GLIS3: variants seen among roughly 807,000 people sequenced by gnomAD.
GLIS3 encodes GLIS family zinc finger 3, also known as zinc finger protein GLIS3.
In GLIS3, 53 loss-of-function variants were observed where a neutral mutation model predicts 78.6. The observed-to-expected ratio is 0.67, with a 90% CI of 0.54 to 0.85. The LOEUF (loss-of-function observed/expected upper bound fraction) is 0.85, where lower values mean the gene tolerates loss of function less well. Among genes scored for constraint, GLIS3 ranks in the 40% least tolerant of loss-of-function variants. The probability of loss-of-function intolerance (pLI) is 0.00; values close to 1 mark genes in which losing one functional copy is unlikely to be tolerated. For missense variants in GLIS3, 1,703 were observed against 1,231.1 expected, an observed-to-expected ratio of 1.38 and a Z score of -5.74; for synonymous variants, 684 against 509.9, an observed-to-expected ratio of 1.34 and a Z score of -4.60.
intron 2 of GLIS3, among the ~76,000 whole-genome samples, chr9:4,203,037 C>A (rs1167597702): frequency 6.6e-6 from 1 of 152,180 alleles, no homozygotes; most frequent in Admixed American, 6.5e-5. Context: ...AGACAACCTG[C>A]AGAATAGGGG....
chr9:4,427,276 A>G, the GLIS3 span, among the ~76,000 whole-genome samples: 1 of 152,294 alleles, frequency 6.6e-6, no homozygotes, highest in East Asian at 1.9e-4. Context: ...CGTGAAGCAT[A>G]TGCCAAGAAC....
intron 2 of GLIS3, among the ~76,000 whole-genome samples, chr9:4,254,859 A>G (rs927403819): frequency 6.6e-6 from 1 of 151,902 alleles, no homozygotes; most frequent in Non-Finnish European, 1.5e-5. Context: ...AAAAAAAGAA[A>G]AAAAGATAAA....
intron 4 of GLIS3, among the ~76,000 whole-genome samples, chr9:3,962,297 T>C (rs1191206814): frequency 3.3e-5 from 5 of 151,938 alleles, no homozygotes; most frequent in Non-Finnish European, 7.4e-5. Context: ...GATGCAACCC[T>C]AAATAGAACT....
At chr9:4,246,497 T>A (rs1192035647) in intron 2 of GLIS3, among the ~76,000 whole-genome samples, 1 of 152,200 alleles carries the variant, frequency 6.6e-6, no homozygotes, top group Non-Finnish European at 1.5e-5. Flanking sequence ...GCATTTTCCC[T>A]AAGTGACATC....
intron 2 of GLIS3, among the ~76,000 whole-genome samples, chr9:4,312,008 G>C (rs1817368281): frequency 6.6e-6 from 1 of 152,166 alleles, no homozygotes; most frequent in Non-Finnish European, 1.5e-5. Flanking sequence ...AGGAGGAAGA[G>C]GAGCAGAGAA....
chr9:3,924,905 G>C (rs1825121828), intron 6 of GLIS3, among the ~76,000 whole-genome samples: 2 of 152,170 alleles, frequency 1.3e-5, no homozygotes, highest in Non-Finnish European at 2.9e-5. Context: ...GAAGGCTTCT[G>C]TCAGTCAGTC....
intron 8 of GLIS3, among the ~76,000 whole-genome samples, chr9:3,872,965 G>A (rs959297511): frequency 6.6e-6 from 1 of 151,906 alleles, no homozygotes; most frequent in African/African-American, 2.4e-5. Context: ...ATACAAAGAA[G>A]CAACCAAACA....
the GLIS3 span, among the ~76,000 whole-genome samples, chr9:4,420,503 G>A: frequency 2.0e-5 from 3 of 152,164 alleles, no homozygotes; most frequent in African/African-American, 4.8e-5. Flanking sequence ...TTAGTATCAC[G>A]TTAAGCAAGC....
At chr9:3,846,773 G>T (rs372032333) in intron 9 of GLIS3, among the ~76,000 whole-genome samples, 3 of 152,194 alleles carry the variant, frequency 2.0e-5, no homozygotes, top group African/African-American at 4.8e-5. Context: ...TTATTATGCA[G>T]ATACTGACAA....
intron 2 of GLIS3, among the ~76,000 whole-genome samples, chr9:4,182,723 G>C (rs73643715): frequency 2.0e-5 from 3 of 152,122 alleles, no homozygotes; most frequent in Non-Finnish European, 2.9e-5. Context: ...GATCATTGGC[G>C]ACTATCTTGG....
the GLIS3 span, among the ~76,000 whole-genome samples, chr9:4,396,892 G>GT: frequency 2.0e-5 from 3 of 152,052 alleles, no homozygotes; most frequent in East Asian, 5.8e-4. Flanking sequence ...TTTCATGAGA[G>GT]TTTTGCTCCT....
At chr9:4,233,368 T>A (rs1311168853) in intron 2 of GLIS3, among the ~76,000 whole-genome samples, 1 of 152,250 alleles carries the variant, frequency 6.6e-6, no homozygotes, top group Non-Finnish European at 1.5e-5. Flanking sequence ...TCCTTGATCC[T>A]TGGGCTGCAG....
In GLIS3 at chr9:4,118,762, T is replaced by A. The variant is rs781592292; in HGVS notation, c.716A>T (p.Asn239Ile). The change falls in exon 4 of 11, where the codon AAC becomes ATC. Residue 239 changes from asparagine (N) to isoleucine (I), a missense_variant. By Grantham distance (149) the Asn-to-Ile change is moderately radical. Coordinates refer to ENST00000381971, the MANE Select transcript of GLIS3 (RefSeq NM_001042413.2). This position sits in a 1 kb window ranked among gnomAD's most constrained non-coding sequence, Gnocchi z 4.7. ...ATCAAGGCCATTCTGAGAGCCGTGGTTGGAGAGCGAAGGGAGGGCCCTGTA... is the reference window on the plus strand; with the variant it reads ...ATCAAGGCCATTCTGAGAGCCGTGGATGGAGAGCGAAGGGAGGGCCCTGTA... ...QGYRALPSLS[N>I]HGSQNGLDLG... 6.2e-7 allele frequency: 1 copy of A among 1,613,398 alleles called. No homozygotes were observed. The highest frequency in any genetic ancestry group is 1.3e-5 in the African/African-American group (1 of 74,882).
intron 9 of GLIS3, among the ~76,000 whole-genome samples, chr9:3,833,651 G>C (rs1818179005): frequency 1.3e-5 from 2 of 152,204 alleles, no homozygotes; most frequent in South Asian, 4.1e-4. Flanking sequence ...CCTTGTCTTT[G>C]AGGATTGATA....
chr9:4,303,430 T>C (rs757048071), upstream of GLIS3, among the ~76,000 whole-genome samples: 1 of 152,182 alleles, frequency 6.6e-6, no homozygotes, highest in Non-Finnish European at 1.5e-5. Context: ...ATGCAGCAAA[T>C]TTCACATTAT....
rs557659864 is a variant in GLIS3 at position 4,065,640 on chromosome 9, A to T, written c.1710+52128T>A. 6.6e-5 allele frequency among the ~76,000 whole-genome samples: 10 copies of T among 152,340 alleles called. No individual in the cohort carries two copies. The South Asian group carries it at 1.9e-3, about 28-fold the overall frequency. The stretch of plus-strand genomic sequence containing the variant: ...AAGTTTCCTTTGGGCCAGAAAAAAA[A>T]TAAGTAGCAAGTTCCAAATGTTTCT... On this transcript the variant is annotated intron_variant, in intron 4 of 10. Coordinates refer to ENST00000381971, the MANE Select transcript of GLIS3 (RefSeq NM_001042413.2).
the GLIS3 span, among the ~76,000 whole-genome samples, chr9:4,371,867 T>A: frequency 6.6e-6 from 1 of 152,240 alleles, no homozygotes; most frequent in Non-Finnish European, 1.5e-5. Flanking sequence ...TTAGTTCTTT[T>A]GAATATCACA....
chr9:4,136,853 C>T (rs949169663), intron 2 of GLIS3, among the ~76,000 whole-genome samples: 1 of 152,204 alleles, frequency 6.6e-6, no homozygotes, highest in South Asian at 2.1e-4. Flanking sequence ...TGGTTCAAAC[C>T]TGGCTACATA....
intron 4 of GLIS3, among the ~76,000 whole-genome samples, chr9:4,114,925 C>G (rs565867670): frequency 6.6e-6 from 1 of 152,338 alleles, no homozygotes; most frequent in South Asian, 2.1e-4. Context: ...GTTCTGCCAC[C>G]CAGAATCCTG....
Sources: allele counts gnomAD v4.1 joint callset (sites outside exome capture counted in the v4.1 genomes callset), GRCh38; gene constraint gnomAD v4.1.1; non-coding constraint Gnocchi (gnomAD v3.1); transcripts MANE v1.5; gene names NCBI Gene and HGNC (gene_info 2026-07-23, HGNC 2026-07-21).